Variants in MAP3K9 observed in about 807,000 individuals in gnomAD.
MAP3K9 encodes mitogen-activated protein kinase kinase kinase 9.
MAP3K9 carries 46 observed loss-of-function variants against 95.8 expected under a neutral mutation model. The observed-to-expected ratio is 0.48, with a 90% CI of 0.38 to 0.61. The LOEUF is 0.61. MAP3K9 is among the 20% of genes least tolerant of loss of function. MAP3K9 has a pLI of 0.00. For synonymous variants in MAP3K9, 533 were observed against 593.8 expected, an observed-to-expected ratio of 0.90 and a Z score of 1.49; for missense variants, 1,296 against 1,474.3, an observed-to-expected ratio of 0.88 and a Z score of 1.98.
At chr14:70,751,293 A>G (rs575443761) in intron 3 of MAP3K9, among the ~76,000 whole-genome samples, 3 of 152,388 alleles carry the variant, frequency 2.0e-5, no homozygotes, top group East Asian at 1.9e-4. Flanking sequence ...CCTTCCAGGA[A>G]TAAGTCAGGA....
chr14:70,768,096 C>G (rs376592551), intron 2 of MAP3K9, among the ~76,000 whole-genome samples: 3 of 152,154 alleles, frequency 2.0e-5, no homozygotes, highest in African/African-American at 7.2e-5. Flanking sequence ...GATAGCACAA[C>G]AGGGTGACTA....
chr14:70,737,938 A>G (rs1309623641), intron 8 of MAP3K9, among the ~76,000 whole-genome samples: 5 of 152,120 alleles, frequency 3.3e-5, no homozygotes, highest in Non-Finnish European at 5.9e-5. Flanking sequence ...GCTCATTTAC[A>G]TGTTGTCCAT....
At chr14:70,786,422 T>C (rs909289936) in intron 2 of MAP3K9, among the ~76,000 whole-genome samples, 6 of 152,160 alleles carry the variant, frequency 3.9e-5, no homozygotes, top group African/African-American at 1.4e-4. Flanking sequence ...AAAATGTTTT[T>C]ATTATTCTTT....
intron 5 of MAP3K9, among the ~76,000 whole-genome samples, chr14:70,748,103 T>TC (rs1393036502): frequency 2.2e-4 from 8 of 35,812 alleles, no homozygotes; most frequent in Non-Finnish European, 3.8e-4. Context: ...CGAGACTGTC[T>TC]CAAAAAAAAA....
Position 70,758,319 on chromosome 14 carries a change from T to C in MAP3K9, c.1001+2683A>G, listed in dbSNP as rs187994366. ...CATAAGTCATTTAGTGAAATGCAAA[T>C]CAAAATCACAACAAAATACTATTTC... On this transcript the variant is annotated intron_variant, in intron 3 of 11. Coordinates refer to ENST00000554752, the MANE Select transcript of MAP3K9 (RefSeq NM_001284230.2). Among the ~76,000 whole-genome samples, 14 of 152,116 alleles carry C rather than the reference T, an allele frequency of 9.2e-5. No individual in the cohort carries two copies. In the East Asian group the frequency reaches 2.7e-3, roughly 29 times the overall value.
intron 2 of MAP3K9, among the ~76,000 whole-genome samples, chr14:70,768,464 T>C (rs768316672): frequency 2.0e-4 from 30 of 152,104 alleles, no homozygotes; most frequent in Non-Finnish European, 3.5e-4. Context: ...GCCTAAGGCC[T>C]GCCTTCTCTG....
intron 2 of MAP3K9, among the ~76,000 whole-genome samples, chr14:70,791,954 A>C (rs1415137692): frequency 6.6e-6 from 1 of 152,244 alleles, no homozygotes; most frequent in Non-Finnish European, 1.5e-5. Flanking sequence ...GGCACAGGAC[A>C]AAAGGGAAAG....
rs1013841056 is a variant in MAP3K9 at position 70,738,120 on chromosome 14, G to C, written c.1844+125C>G. On this transcript the variant is annotated intron_variant, in intron 8 of 11. Coordinates refer to ENST00000554752, the MANE Select transcript of MAP3K9 (RefSeq NM_001284230.2). ...GGTGAAAAACTGTTGTAAAGATCAA[G>C]AAGCTTGTAATTTCTCAGAAAGCAA... The C allele has an allele frequency of 2.5e-5, 27 of 1,093,380 alleles. No individual in the cohort carries two copies. In the African/African-American group the frequency reaches 4.3e-4, roughly 17 times the overall value. The allele number at this position is 1,093,380 out of a possible 1,614,324, so 67.7% of individuals were successfully genotyped here.
At chr14:70,747,374 C>A (rs1047635904) in intron 5 of MAP3K9, among the ~76,000 whole-genome samples, 3 of 152,136 alleles carry the variant, frequency 2.0e-5, no homozygotes, top group African/African-American at 7.2e-5. Context: ...TTTCTTCTTC[C>A]TGCCACCATG....
intron 8 of MAP3K9, among the ~76,000 whole-genome samples, chr14:70,737,915 C>A (rs1163627352): frequency 2.0e-5 from 3 of 152,182 alleles, no homozygotes; most frequent in African/African-American, 7.2e-5. Flanking sequence ...TTTACTGGAA[C>A]ATAGCCACAC....
rs768511767 is a variant in MAP3K9 at position 70,733,007 on chromosome 14, G to A, written c.2362C>T (p.Arg788Trp). 16 of 1,614,098 alleles carry A rather than the reference G, an allele frequency of 9.9e-6. No homozygotes were observed. Among genetic ancestry groups the A allele is most frequent in the East Asian group, 4.5e-5 (2 of 44,870 alleles). Residue 788 changes from arginine (R) to tryptophan (W), a missense_variant, in exon 11 of 12, where the codon CGG becomes TGG. Arg to Trp is a moderately radical substitution (Grantham distance 101, BLOSUM62 -3). Coordinates refer to ENST00000554752, the MANE Select transcript of MAP3K9 (RefSeq NM_001284230.2). ...LPLEEPEPPA[R>W]EEKKRREGLF... ...CCCTCCCGTCTTTTCTTCTCCTCCCGGGCTGGTGGCTCAGGCTCCTCCAGG... is the reference window on the plus strand; with the variant it reads ...CCCTCCCGTCTTTTCTTCTCCTCCCAGGCTGGTGGCTCAGGCTCCTCCAGG...
rs370542202 is a variant in MAP3K9, at chr14:70,742,438, C to T, written c.1480G>A (p.Glu494Lys). The T allele has an allele frequency of 1.9e-6, 3 of 1,614,100 alleles. No homozygotes were observed. The highest frequency in any genetic ancestry group is 1.3e-5 in the African/African-American group (1 of 74,934). Reference sequence around the variant, plus strand: ...TTGCGTTTCTTCACCCGGGGCTTCTCCTGGCACAGCTGGTGGATGATGATG... The same window carrying T: ...TTGCGTTTCTTCACCCGGGGCTTCTTCTGGCACAGCTGGTGGATGATGATG... Reference protein sequence around the residue: ...LNIIIHQLCQEKPRVKKRKGK... With the variant: ...LNIIIHQLCQKKPRVKKRKGK... Residue 494 changes from glutamate (E) to lysine (K), a missense_variant, in exon 6 of 12, where the codon GAG (glutamate) becomes AAG (lysine). Coordinates refer to ENST00000554752, the MANE Select transcript of MAP3K9 (RefSeq NM_001284230.2).
rs754551861 is a variant in MAP3K9 at position 70,724,834 on chromosome 14, T to C, written c.*5546A>G. 3 of 152,146 alleles carry C rather than the reference T, an allele frequency of 2.0e-5. No homozygotes were observed. Among genetic ancestry groups the C allele is most frequent in the Non-Finnish European group, 4.4e-5 (3 of 68,024 alleles). 9.4% of individuals were successfully genotyped at this position (152,146 alleles called of 1,614,324 possible). ...CCTCTGGGTTCAGAATGCCCAGACGTCTATCCCTCATGTTCCGGTAGGAGA... is the reference window on the plus strand; with the variant it reads ...CCTCTGGGTTCAGAATGCCCAGACGCCTATCCCTCATGTTCCGGTAGGAGA... On this transcript the variant is annotated 3_prime_UTR_variant, in exon 12 of 12. Coordinates refer to ENST00000554752, the MANE Select transcript of MAP3K9 (RefSeq NM_001284230.2).
intron 5 of MAP3K9, among the ~76,000 whole-genome samples, chr14:70,743,821 G>C (rs2054109503): frequency 6.6e-6 from 1 of 152,218 alleles, no homozygotes; most frequent in Non-Finnish European, 1.5e-5. Context: ...TCTAGAACTA[G>C]AAATACCATT....
intron 3 of MAP3K9, among the ~76,000 whole-genome samples, chr14:70,760,141 G>GCACACA (rs60112409): frequency 0.2 from 28,759 of 147,476 alleles, 3,026 homozygotes; most frequent in Admixed American, 0.23. Context: ...AAATAAACGT[G>GCACACA]CACACACACA....
At chr14:70,750,233 A>G in intron 3 of MAP3K9, 152 bp from the exon 4 acceptor site, 1 of 823,176 alleles carries the variant, frequency 1.2e-6, no homozygotes. Flanking sequence ...AAGGGAAACC[A>G]TAAAGCCTAC....
In MAP3K9 at chr14:70,732,761, G is replaced by T. The variant is rs898483258; in HGVS notation, c.2608C>A (p.Pro870Thr). 6.2e-7 allele frequency: 1 copy of T among 1,612,046 alleles called. No individual in the cohort carries two copies. Among genetic ancestry groups the T allele is most frequent in the Non-Finnish European group, 8.5e-7 (1 of 1,178,514 alleles). ...TTGTGGGTACATGGACTCAGGGGAG[G>T]GGCCTCGACTGGGCTGACTGGCATC... Reference protein sequence around the residue: ...YEMPVSPVEAPPLSPCTHNPL... With the variant: ...YEMPVSPVEATPLSPCTHNPL... The change falls in exon 11 of 12, where the codon CCT (proline) becomes ACT (threonine). Residue 870 changes from proline (P) to threonine (T), a missense_variant. By Grantham distance (38) the Pro-to-Thr change is conservative. This residue lies in a region of MAP3K9 where 433 missense variants were observed against 441.4 expected (regional missense o/e 0.98). Transcript: ENST00000554752.
intron 2 of MAP3K9, among the ~76,000 whole-genome samples, chr14:70,779,061 G>A (rs938023108): frequency 3.3e-5 from 5 of 152,174 alleles, no homozygotes; most frequent in Admixed American, 6.5e-5. Flanking sequence ...AGGGAATAAC[G>A]TGAGTCCAGG....
intron 2 of MAP3K9, 42 bp downstream of exon 2, chr14:70,800,625 C>T (rs1318958144): frequency 3.2e-6 from 5 of 1,583,478 alleles, no homozygotes; most frequent in Non-Finnish European, 4.3e-6. Flanking sequence ...GATACAACTG[C>T]AACTGCTCTG....
Sources: allele counts gnomAD v4.1 joint callset (sites outside exome capture counted in the v4.1 genomes callset), GRCh38; gene constraint gnomAD v4.1.1; regional missense constraint gnomAD v4.1.1; transcripts MANE v1.5; gene names NCBI Gene and HGNC (gene_info 2026-07-23, HGNC 2026-07-21).